MDGA1: variants seen among roughly 807,000 people sequenced by gnomAD.
MDGA1 encodes the protein MAM domain-containing glycosylphosphatidylinositol anchor protein 1.
In MDGA1, 54 loss-of-function variants were observed where a neutral mutation model predicts 101.5. That is an observed-to-expected ratio of 0.53 (90% CI 0.43 to 0.67). The LOEUF (loss-of-function observed/expected upper bound fraction) is 0.67, where lower values mean the gene tolerates loss of function less well. Ranked by LOEUF, MDGA1 falls within the 30% of genes least tolerant of loss-of-function variation. The probability of loss-of-function intolerance (pLI) is 0.00; values close to 1 mark genes in which losing one functional copy is unlikely to be tolerated. For missense variants in MDGA1, 1,083 were observed against 1,323.8 expected, an observed-to-expected ratio of 0.82 and a Z score of 2.82; for synonymous variants, 533 against 558.3, an observed-to-expected ratio of 0.95 and a Z score of 0.64.
rs1380622202 is a variant in MDGA1, at chr6:37,631,410, A to G, written c.*5958T>C. On this transcript the variant is annotated 3_prime_UTR_variant, in exon 17 of 17. Coordinates refer to ENST00000434837, the MANE Select transcript of MDGA1 (RefSeq NM_153487.4). Reference sequence around the variant, plus strand: ...AGAAAGGCCAGGTGTGCCAGCAAGAAGTTACCCAACATGAGAGCCAATAAA... The same window carrying G: ...AGAAAGGCCAGGTGTGCCAGCAAGAGGTTACCCAACATGAGAGCCAATAAA... 1 of 152,200 alleles carries G rather than the reference A, an allele frequency of 6.6e-6. No homozygotes were observed. The allele number at this position is 152,200 out of a possible 1,614,324, so 9.4% of individuals were successfully genotyped here. A position where few individuals can be genotyped will look rare whatever the true frequency, so the allele number is the denominator to read the frequency against.
At chr6:37,687,754 G>A (rs1254291030) in intron 1 of MDGA1, among the ~76,000 whole-genome samples, 1 of 152,020 alleles carries the variant, frequency 6.6e-6, no homozygotes, top group Non-Finnish European at 1.5e-5. Flanking sequence ...TTACAAGTGT[G>A]AGCCACAGCA....
intron 1 of MDGA1, among the ~76,000 whole-genome samples, chr6:37,676,969 C>T (rs1053955476): frequency 6.6e-6 from 1 of 151,662 alleles, no homozygotes; most frequent in Non-Finnish European, 1.5e-5. Context: ...CACTCCAGCA[C>T]TTAACTTGCC....
chr6:37,660,083 A>G (rs1367190918), intron 2 of MDGA1, among the ~76,000 whole-genome samples: 1 of 147,684 alleles, frequency 6.8e-6, no homozygotes, highest in Non-Finnish European at 1.5e-5. Flanking sequence ...TCTGTCACCC[A>G]GGCTGGAGTG....
chr6:37,657,044 G>A (rs1761505422), intron 3 of MDGA1, among the ~76,000 whole-genome samples: 1 of 152,140 alleles, frequency 6.6e-6, no homozygotes, highest in Non-Finnish European at 1.5e-5. Flanking sequence ...ACTTTCTAGA[G>A]TCCTGGAAAT....
chr6:37,658,987 A>AAG (rs1761561465), intron 2 of MDGA1, among the ~76,000 whole-genome samples: 1 of 147,866 alleles, frequency 6.8e-6, no homozygotes, highest in African/African-American at 2.4e-5. Context: ...AAAAAAAAAA[A>AAG]AAGACTGATT....
At position 37,638,371 on chromosome 6, in the gene MDGA1, A is replaced by G. The variant is rs941933886; in HGVS notation, c.2668-58T>C. On this transcript the variant is annotated intron_variant, in intron 15 of 16. Coordinates refer to ENST00000434837, the MANE Select transcript of MDGA1 (RefSeq NM_153487.4). This position sits in a 1 kb window ranked among gnomAD's most constrained non-coding sequence, Gnocchi z 4.8. ...TTGAGGAGGTTCTGCTGGGTACCAG[A>G]GTGCTCCCTCGACCCCACCTTTCCC... is the stretch of plus-strand genomic sequence containing the variant. 69 of 1,520,870 alleles carry G rather than the reference A, an allele frequency of 4.5e-5. No homozygotes were observed. The highest frequency in any genetic ancestry group is 5.9e-5 in the Non-Finnish European group (66 of 1,115,386). 94.2% of individuals were successfully genotyped at this position (1,520,870 alleles called of 1,614,324 possible).
intron 6 of MDGA1, among the ~76,000 whole-genome samples, 156 bp downstream of exon 6, chr6:37,654,118 A>AT (rs1269858174): frequency 6.6e-6 from 1 of 152,236 alleles, no homozygotes; most frequent in Non-Finnish European, 1.5e-5. Context: ...AGTTAGCTGA[A>AT]TTGCAGGGAA....
Position 37,696,612 on chromosome 6 carries a change from G to T in MDGA1, c.67+133C>A. The T allele has an allele frequency of 1.2e-6, 1 of 840,442 alleles. No individual in the cohort carries two copies. The highest frequency in any genetic ancestry group is 1.9e-6 in the Non-Finnish European group (1 of 514,766). 52.1% of individuals were successfully genotyped at this position (840,442 alleles called of 1,614,324 possible). Reference sequence around the variant, plus strand: ...GCTCGGTCTCCACGCGCCCTGGAGAGGGCGGGGACGCGGGCATCCACTCCA... The same window carrying T: ...GCTCGGTCTCCACGCGCCCTGGAGATGGCGGGGACGCGGGCATCCACTCCA... On this transcript the variant is annotated intron_variant, in intron 1 of 16. Coordinates refer to ENST00000434837, the MANE Select transcript of MDGA1 (RefSeq NM_153487.4). This position sits in a 1 kb window ranked among gnomAD's most constrained non-coding sequence, Gnocchi z 5.6.
chr6:37,643,088 G>T (rs532022353), intron 14 of MDGA1, among the ~76,000 whole-genome samples: 2 of 152,140 alleles, frequency 1.3e-5, no homozygotes, highest in African/African-American at 2.4e-5. Flanking sequence ...GTGTGGTCTG[G>T]GAAAAATGCT....
intron 1 of MDGA1, among the ~76,000 whole-genome samples, chr6:37,679,399 TGG>T (rs1412257562): frequency 6.6e-6 from 1 of 151,860 alleles, no homozygotes; most frequent in Non-Finnish European, 1.5e-5. Flanking sequence ...GGACAGTGGG[TGG>T]GTGGCAGTAA....
At position 37,635,263 on chromosome 6, in the gene MDGA1, G is replaced by C. The variant is rs773032620; in HGVS notation, c.*2105C>G. On this transcript the variant is annotated 3_prime_UTR_variant, in exon 17 of 17. Coordinates refer to ENST00000434837, the MANE Select transcript of MDGA1 (RefSeq NM_153487.4). The stretch of plus-strand genomic sequence containing the variant: ...ACTGATTACAGAATCCATTCCACCG[G>C]GCAATGGAGTGGTTTCCACACCAGG... 3 of 394,530 alleles carry C rather than the reference G, an allele frequency of 7.6e-6. No individual in the cohort carries two copies. Among genetic ancestry groups the C allele is most frequent in the Non-Finnish European group, 1.3e-5 (3 of 224,092 alleles). The allele number at this position is 394,530 out of a possible 1,614,324, so 24.4% of individuals were successfully genotyped here. A position where few individuals can be genotyped will look rare whatever the true frequency, so the allele number is the denominator to read the frequency against.
rs763082831 is a variant in MDGA1 at position 37,654,849 on chromosome 6, C to T, written c.663G>A (p.Val221=). ...TGATGGCCTTGTCTGGGATGCCGCA[C>T]ACGTTACGCACAGACACCTGGCAGG... is the stretch of plus-strand genomic sequence containing the variant. ...SYTCQVSVRN[V]CGIPDKAITF... The change falls in exon 5 of 17, where the codon GTG becomes GTA. Residue 221 remains valine, a synonymous_variant. Transcript: ENST00000434837. The T allele has an allele frequency of 2.5e-6, 4 of 1,613,642 alleles. No individual in the cohort carries two copies. Among genetic ancestry groups the T allele is most frequent in the Non-Finnish European group, 2.5e-6 (3 of 1,179,826 alleles).
intron 1 of MDGA1, among the ~76,000 whole-genome samples, chr6:37,665,100 TA>T (rs1761718218): frequency 6.6e-6 from 1 of 152,122 alleles, no homozygotes; most frequent in Non-Finnish European, 1.5e-5. Flanking sequence ...GGACCAAAGC[TA>T]GGCCCTGGCT....
chr6:37,692,119 A>G (rs899495648), intron 1 of MDGA1, among the ~76,000 whole-genome samples: 27 of 152,076 alleles, frequency 1.8e-4, no homozygotes, highest in African/African-American at 6.3e-4. Flanking sequence ...AGCATAACTC[A>G]TCCCTCAGAT....
intron 1 of MDGA1, among the ~76,000 whole-genome samples, chr6:37,682,313 G>A (rs777729146): frequency 7.2e-5 from 11 of 152,092 alleles, no homozygotes; most frequent in East Asian, 3.9e-4. Context: ...AGCGAAACCC[G>A]GTCTCTACTA....
At chr6:37,640,014 G>A (rs1485192799) in intron 14 of MDGA1, among the ~76,000 whole-genome samples, 3 of 152,162 alleles carry the variant, frequency 2.0e-5, no homozygotes. Flanking sequence ...AGTCAAATAG[G>A]GAAGGGAAGA....
rs1763863776 is a variant in MDGA1 at position 37,633,529 on chromosome 6, C to G, written c.*3839G>C. 6.6e-6 allele frequency: 1 copy of G among 152,324 alleles called. No homozygotes were observed. Among genetic ancestry groups the G allele is most frequent in the Admixed American group, 6.5e-5 (1 of 15,284 alleles). The allele number at this position is 152,324 out of a possible 1,614,324, so 9.4% of individuals were successfully genotyped here. Reference sequence around the variant, plus strand: ...CCTAGCCCAAGCTCTTGTGAAGTCACAGGGGAGAGGAGGGGAAACAGGGTC... The same window carrying G: ...CCTAGCCCAAGCTCTTGTGAAGTCAGAGGGGAGAGGAGGGGAAACAGGGTC... On this transcript the variant is annotated 3_prime_UTR_variant, in exon 17 of 17. Coordinates refer to ENST00000434837, the MANE Select transcript of MDGA1 (RefSeq NM_153487.4).
Position 37,643,978 on chromosome 6 carries a change from A to G in MDGA1, c.2402-35T>C, listed in dbSNP as rs1332975834. 6 of 1,610,516 alleles carry G rather than the reference A, an allele frequency of 3.7e-6. No homozygotes were observed. In the South Asian group the frequency reaches 6.6e-5, roughly 18 times the overall value. On this transcript the variant is annotated intron_variant, in intron 13 of 16. Transcript: ENST00000434837. The stretch of plus-strand genomic sequence containing the variant: ...ATGGGGAGATGCGCCAACAGCCCCC[A>G]AGACAGCCAGGCCTCTTCCTACCTG...
intron 1 of MDGA1, among the ~76,000 whole-genome samples, chr6:37,677,450 G>A (rs915691525): frequency 3.3e-5 from 5 of 152,214 alleles, no homozygotes; most frequent in African/African-American, 1.2e-4. Context: ...ATGCTCGGCA[G>A]CAGAGAAATG....
Sources: gnomAD v4.1 joint callset for allele counts (sites outside exome capture counted in the v4.1 genomes callset) on GRCh38, gnomAD v4.1.1 for gene constraint, Gnocchi (gnomAD v3.1) non-coding constraint, MANE v1.5 for transcripts, NCBI Gene and HGNC (gene_info 2026-07-23, HGNC 2026-07-21) for gene names.